TIAM2: variants seen among roughly 807,000 people sequenced by gnomAD.
TIAM2 encodes TIAM Rac1 associated GEF 2, also known as rho guanine nucleotide exchange factor TIAM2.
TIAM2 carries 80 observed loss-of-function variants against 152.9 expected under a neutral mutation model. That is an observed-to-expected ratio of 0.52 (90% CI 0.44 to 0.63). The LOEUF is 0.63. Among genes scored for constraint, TIAM2 ranks in the 30% least tolerant of loss-of-function variants. The pLI, the probability that TIAM2 is intolerant of heterozygous loss-of-function variation, is 0.00. For missense variants in TIAM2, 1,965 were observed against 2,120.1 expected (o/e 0.93, Z 1.44); for synonymous variants, 804 against 838.0 (o/e 0.96, Z 0.70).
intron 1 of TIAM2, among the ~76,000 whole-genome samples, chr6:155,057,541 CTTTTTTT>C (rs71023613): frequency 1.2e-5 from 1 of 80,072 alleles, no homozygotes; most frequent in African/African-American, 5.5e-5. Context: ...CCATAATGTA[CTTTTTTT>C]TTTTTTTTTT....
chr6:155,101,635 G>A (rs1457875160), intron 2 of TIAM2, among the ~76,000 whole-genome samples: 2 of 152,144 alleles, frequency 1.3e-5, no homozygotes, highest in Non-Finnish European at 2.9e-5. Flanking sequence ...GAATATGGAA[G>A]GAGTTTTTAT....
intron 15 of TIAM2, among the ~76,000 whole-genome samples, chr6:155,225,128 G>C (rs1266039333): frequency 2.6e-5 from 4 of 152,002 alleles, no homozygotes; most frequent in Admixed American, 6.5e-5. Context: ...GCTAATTTTT[G>C]TATTTTTGGT....
At chr6:155,111,810 T>A (rs1778857890) in intron 2 of TIAM2, among the ~76,000 whole-genome samples, 1 of 152,174 alleles carries the variant, frequency 6.6e-6, no homozygotes, top group Non-Finnish European at 1.5e-5. Flanking sequence ...CTCTTTTTGA[T>A]CCCTCTGTCC....
At chr6:155,091,032 G>A (rs1202604670) in intron 2 of TIAM2, among the ~76,000 whole-genome samples, 2 of 152,128 alleles carry the variant, frequency 1.3e-5, no homozygotes, top group African/African-American at 2.4e-5. Context: ...GAGTTCGTGC[G>A]TGCTTAGCTG....
At chr6:155,005,783 G>A (rs1413823361) in intron 1 of TIAM2, among the ~76,000 whole-genome samples, 1 of 151,672 alleles carries the variant, frequency 6.6e-6, no homozygotes, top group African/African-American at 2.4e-5. Context: ...AGCCTCCTGA[G>A]GGATTGCAGG....
At chr6:155,158,516 T>G (rs866139951) in intron 7 of TIAM2, among the ~76,000 whole-genome samples, 2 of 152,140 alleles carry the variant, frequency 1.3e-5, no homozygotes, top group South Asian at 4.1e-4. Flanking sequence ...GCATGGGCAT[T>G]AAAAGAAACA....
intron 1 of TIAM2, among the ~76,000 whole-genome samples, chr6:155,037,390 G>A (rs773066803): frequency 2.7e-5 from 4 of 148,336 alleles, no homozygotes; most frequent in Non-Finnish European, 6.0e-5. Flanking sequence ...AATGATTAAG[G>A]CTTTAAAGTT....
chr6:155,006,791 C>T (rs1403048896), intron 1 of TIAM2, among the ~76,000 whole-genome samples: 5 of 151,716 alleles, frequency 3.3e-5, no homozygotes, highest in Non-Finnish European at 7.4e-5. Flanking sequence ...CGGGTTCAAG[C>T]GATTCTCCTG....
chr6:155,044,427 T>C (rs922278189), intron 1 of TIAM2, among the ~76,000 whole-genome samples: 1 of 152,256 alleles, frequency 6.6e-6, no homozygotes, highest in African/African-American at 2.4e-5. Flanking sequence ...TTCGTTTAGC[T>C]GAACCCTGTC....
intron 1 of TIAM2, among the ~76,000 whole-genome samples, chr6:155,015,599 A>G (rs1163224709): frequency 6.6e-6 from 1 of 152,092 alleles, no homozygotes; most frequent in East Asian, 1.9e-4. Context: ...CGAAAAAGAG[A>G]ATTATTAAAT....
At chr6:155,126,702 G>A (rs1325679439) in intron 2 of TIAM2, among the ~76,000 whole-genome samples, 4 of 151,846 alleles carry the variant, frequency 2.6e-5, no homozygotes, top group East Asian at 3.9e-4. Flanking sequence ...CTGCACTCCC[G>A]CCTGGGCAAG....
intron 1 of TIAM2, among the ~76,000 whole-genome samples, chr6:155,058,699 G>A (rs976618725): frequency 6.6e-6 from 1 of 152,180 alleles, no homozygotes; most frequent in African/African-American, 2.4e-5. Flanking sequence ...TGATCACTAA[G>A]TCTTGGAGCT....
intron 10 of TIAM2, 92 bp from the exon 11 acceptor site, chr6:155,178,947 A>G: frequency 9.9e-7 from 1 of 1,015,018 alleles, no homozygotes; most frequent in Non-Finnish European, 1.5e-6. Flanking sequence ...ATTCTTTTAG[A>G]GATTTCTACT....
At chr6:155,034,880 T>G (rs1284588236) in intron 1 of TIAM2, among the ~76,000 whole-genome samples, 1 of 152,214 alleles carries the variant, frequency 6.6e-6, no homozygotes, top group Non-Finnish European at 1.5e-5. Context: ...AGATCCTGTT[T>G]ATTGTGAAGT....
intron 1 of TIAM2, among the ~76,000 whole-genome samples, chr6:155,029,482 ATAC>A (rs1562295194): frequency 2.7e-3 from 3 of 1,110 alleles, no homozygotes; most frequent in South Asian, 0.05. Flanking sequence ...TATAGTATAT[ATAC>A]TATAGTATAT....
At chr6:155,251,826 T>A (rs985228560) in intron 22 of TIAM2, 119 bp from the exon 23 acceptor site, 1 of 746,930 alleles carries the variant, frequency 1.3e-6, no homozygotes, top group African/African-American at 1.8e-5. Flanking sequence ...GTTGGCAGAG[T>A]GAGGTCTTAG....
intron 2 of TIAM2, among the ~76,000 whole-genome samples, chr6:155,104,564 T>G (rs965879709): frequency 6.6e-6 from 1 of 152,098 alleles, no homozygotes; most frequent in Non-Finnish European, 1.5e-5. Flanking sequence ...GAGACCATCC[T>G]GGCTAACACA....
At chr6:155,204,316 A>G (rs1169671929) in intron 14 of TIAM2, among the ~76,000 whole-genome samples, 1 of 152,108 alleles carries the variant, frequency 6.6e-6, no homozygotes, top group Non-Finnish European at 1.5e-5. Flanking sequence ...TTGGAAAATC[A>G]TGTCCCTGAT....
intron 2 of TIAM2, among the ~76,000 whole-genome samples, chr6:155,106,943 G>A (rs1778706259): frequency 6.6e-6 from 1 of 152,170 alleles, no homozygotes; most frequent in Non-Finnish European, 1.5e-5. Flanking sequence ...CATGATGAGG[G>A]TGTGTAGCTA....
Sources: gnomAD v4.1 joint callset for allele counts (sites outside exome capture counted in the v4.1 genomes callset) on GRCh38, gnomAD v4.1.1 for gene constraint, MANE v1.5 for transcripts, NCBI Gene and HGNC (gene_info 2026-07-23, HGNC 2026-07-21) for gene names.